INO80: variants seen among roughly 807,000 people sequenced by gnomAD.
INO80 encodes the protein chromatin-remodeling ATPase INO80.
Under a neutral mutation model 203.4 loss-of-function variants are expected in INO80, and 20 were observed. The observed-to-expected ratio is 0.10, with a 90% CI of 0.07 to 0.14. The LOEUF is 0.14. Among genes scored for constraint, INO80 ranks in the 10% least tolerant of loss-of-function variants. The probability of loss-of-function intolerance (pLI) is 1.00; values close to 1 mark genes in which losing one functional copy is unlikely to be tolerated. For missense variants in INO80, 1,419 were observed against 1,914.4 expected (o/e 0.74, Z 4.83); for synonymous variants, 726 against 685.2 (o/e 1.06, Z -0.93).
At chr15:41,107,565 C>A (rs1040130335) in intron 1 of INO80, among the ~76,000 whole-genome samples, 3 of 152,022 alleles carry the variant, frequency 2.0e-5, no homozygotes, top group African/African-American at 7.2e-5. Flanking sequence ...TTTGGGAGGC[C>A]AAGGAGGGTG....
intron 23 of INO80, among the ~76,000 whole-genome samples, chr15:41,046,203 ATACATATATATATATATATATATATAT>A (rs2044760559): frequency 2.0e-3 from 1 of 508 alleles, no homozygotes; most frequent in Non-Finnish European, 5.5e-3. Context: ...GTGCGTATAC[ATACATATATATATATATATATATATAT>A]ATATATATAT....
intron 28 of INO80, chr15:40,997,812 T>TA (rs1230570383): frequency 2.1e-5 from 9 of 431,684 alleles, no homozygotes; most frequent in Non-Finnish European, 3.4e-5. Context: ...AATTTGCAGA[T>TA]AAACTTTTGC....
At chr15:41,082,943 A>G (rs1001447652) in intron 7 of INO80, among the ~76,000 whole-genome samples, 1 of 151,922 alleles carries the variant, frequency 6.6e-6, no homozygotes, top group Non-Finnish European at 1.5e-5. Flanking sequence ...CCTCTTCATC[A>G]GGTACTAAGT....
intron 4 of INO80, 106 bp downstream of exon 4, chr15:41,095,495 T>C (rs183906987): frequency 2.6e-6 from 2 of 778,824 alleles, no homozygotes; most frequent in East Asian, 2.4e-5. Context: ...AAGAGAATCA[T>C]ATTTGAAAAA....
intron 17 of INO80, among the ~76,000 whole-genome samples, chr15:41,055,582 T>C (rs1348015120): frequency 6.6e-6 from 1 of 152,230 alleles, no homozygotes; most frequent in African/African-American, 2.4e-5. Flanking sequence ...GTGATTCTTT[T>C]TCAACTAATT....
At chr15:41,056,934 A>C (rs1284209783) in intron 16 of INO80, among the ~76,000 whole-genome samples, 1 of 152,252 alleles carries the variant, frequency 6.6e-6, no homozygotes, top group Non-Finnish European at 1.5e-5. Flanking sequence ...TTTAGAAAAA[A>C]ATAGCCTCAA....
intron 24 of INO80, 99 bp from the exon 25 acceptor site, chr15:41,027,835 T>C: frequency 1.2e-6 from 1 of 861,586 alleles, no homozygotes; most frequent in South Asian, 2.0e-5. Flanking sequence ...CTTTAAGAGC[T>C]TTCTTCCCTG....
chr15:41,115,661 C>G (rs942216115), intron 1 of INO80, among the ~76,000 whole-genome samples: 5 of 152,204 alleles, frequency 3.3e-5, no homozygotes, highest in South Asian at 2.1e-4. Context: ...CACCGCCCCA[C>G]CGGGTCCCAC....
intron 19 of INO80, among the ~76,000 whole-genome samples, chr15:41,053,473 G>C (rs1450607954): frequency 1.3e-5 from 2 of 152,150 alleles, no homozygotes; most frequent in Non-Finnish European, 2.9e-5. Flanking sequence ...ACACTGACTA[G>C]ATACGTGATG....
chr15:40,999,019 C>CACACACAA (rs751613069), intron 28 of INO80, among the ~76,000 whole-genome samples: 23 of 150,636 alleles, frequency 1.5e-4, no homozygotes, highest in Non-Finnish European at 2.1e-4. Context: ...CACACACACA[C>CACACACAA]AAATAAGGGC....
intron 25 of INO80, chr15:41,023,389 A>G (rs1288260470): frequency 3.2e-6 from 1 of 312,600 alleles, no homozygotes; most frequent in African/African-American, 5.2e-5. Flanking sequence ...AAAGTTTAAA[A>G]AGTAAGTCTA....
chr15:41,067,534 A>G (rs1318119813), intron 14 of INO80, among the ~76,000 whole-genome samples: 1 of 152,226 alleles, frequency 6.6e-6, no homozygotes, highest in East Asian at 1.9e-4. Context: ...CATCTCAGCA[A>G]GATGAAAATG....
Position 41,054,748 on chromosome 15 carries a change from C to T in INO80, c.2188+499G>A, listed in dbSNP as rs553810499. Among the ~76,000 whole-genome samples, 21 of 152,302 alleles carry T rather than the reference C, an allele frequency of 1.4e-4. No homozygotes were observed. The South Asian group carries it at 4.3e-3, about 32-fold the overall frequency. Reference sequence around the variant, plus strand: ...CCATCTCCTGGGTTCAAGCGATTCACCCGCCTCAGCCTCCCGTGTAGCTGG... The same window carrying T: ...CCATCTCCTGGGTTCAAGCGATTCATCCGCCTCAGCCTCCCGTGTAGCTGG... On this transcript the variant is annotated intron_variant, in intron 18 of 35. Coordinates refer to ENST00000648947, the MANE Select transcript of INO80 (RefSeq NM_017553.3).
intron 24 of INO80, among the ~76,000 whole-genome samples, 199 bp downstream of exon 24, chr15:41,044,705 C>A (rs534730149): frequency 2.8e-4 from 40 of 142,478 alleles, no homozygotes; most frequent in South Asian, 6.9e-4. Context: ...GTAAAAAAAA[C>A]ATTTTGAAAA....
At chr15:41,045,581 CA>C (rs61411603) in intron 23 of INO80, among the ~76,000 whole-genome samples, 5 of 129,342 alleles carry the variant, frequency 3.9e-5, no homozygotes, top group African/African-American at 1.5e-4. Flanking sequence ...GACTCTGTCT[CA>C]AAAAAAAAAA....
intron 24 of INO80, among the ~76,000 whole-genome samples, chr15:41,031,307 G>T (rs1445129625): frequency 2.0e-5 from 3 of 151,286 alleles, no homozygotes; most frequent in Non-Finnish European, 4.4e-5. Context: ...TGACATGGAA[G>T]AATACAAAGA....
chr15:41,075,340 A>C (rs1027065348), intron 9 of INO80, among the ~76,000 whole-genome samples: 12 of 149,874 alleles, frequency 8.0e-5, no homozygotes, highest in Admixed American at 8.0e-4. Context: ...GCACAATCTG[A>C]GCCTCACCGT....
intron 6 of INO80, among the ~76,000 whole-genome samples, chr15:41,087,112 C>T (rs778857380): frequency 6.6e-6 from 1 of 151,060 alleles, no homozygotes; most frequent in Non-Finnish European, 1.5e-5. Flanking sequence ...TAGATTCAAC[C>T]GAGGATCAAA....
At chr15:40,982,281 GGA>G (rs1893859535) in intron 35 of INO80, among the ~76,000 whole-genome samples, 1 of 152,148 alleles carries the variant, frequency 6.6e-6, no homozygotes, top group African/African-American at 2.4e-5. Context: ...CAAGTAGCTG[GGA>G]CTACAGGCGT....
Sources: allele counts gnomAD v4.1 joint callset (sites outside exome capture counted in the v4.1 genomes callset), GRCh38; gene constraint gnomAD v4.1.1; transcripts MANE v1.5; gene names NCBI Gene and HGNC (gene_info 2026-07-23, HGNC 2026-07-21).